The following EPC1 variants were observed in gnomAD, a reference collection of about 807,000 sequenced individuals.
EPC1 encodes the protein enhancer of polycomb 1.
Under a neutral mutation model 98.4 loss-of-function variants are expected in EPC1, and 12 were observed. The observed-to-expected ratio is 0.12, with a 90% CI of 0.08 to 0.20. The LOEUF is 0.20. Ranked by LOEUF, EPC1 falls within the 10% of genes least tolerant of loss-of-function variation. EPC1 has a pLI of 1.00. For missense variants in EPC1, 729 were observed against 990.5 expected, an observed-to-expected ratio of 0.74 and a Z score of 3.54; for synonymous variants, 357 against 363.9, an observed-to-expected ratio of 0.98 and a Z score of 0.21.
intron 11 of EPC1, 165 bp from the exon 12 acceptor site, chr10:32,272,332 T>G: frequency 1.8e-6 from 1 of 571,378 alleles, no homozygotes; most frequent in South Asian, 2.9e-5. Context: ...TATATCTCTT[T>G]TGATAGTCAT....
At chr10:32,368,778 T>G (rs1168541301) in intron 1 of EPC1, among the ~76,000 whole-genome samples, 1 of 152,236 alleles carries the variant, frequency 6.6e-6, no homozygotes, top group African/African-American at 2.4e-5. Context: ...TTTTGATCTC[T>G]GAAATCAGGT....
intron 2 of EPC1, among the ~76,000 whole-genome samples, chr10:32,303,812 C>T (rs1835717684): frequency 6.6e-6 from 1 of 152,272 alleles, no homozygotes; most frequent in East Asian, 1.9e-4. Context: ...GTGAAATCTG[C>T]GTAAACTCTA....
intron 1 of EPC1, among the ~76,000 whole-genome samples, chr10:32,358,888 G>A (rs1839361537): frequency 6.6e-6 from 1 of 152,112 alleles, no homozygotes; most frequent in South Asian, 2.1e-4. Context: ...TGAAATGAGA[G>A]TTATGTAAAG....
chr10:32,293,845 GA>G, intron 2 of EPC1, 108 bp from the exon 3 acceptor site: 2 of 1,078,040 alleles, frequency 1.9e-6, no homozygotes, highest in Non-Finnish European at 2.6e-6. Flanking sequence ...AAATAAGAAA[GA>G]ATTCTTGGAT....
At chr10:32,322,210 T>C (rs1836969976) in intron 1 of EPC1, among the ~76,000 whole-genome samples, 1 of 151,674 alleles carries the variant, frequency 6.6e-6, no homozygotes, top group South Asian at 2.1e-4. Flanking sequence ...GTCTGTTTTA[T>C]CTTGCTTAAT....
chr10:32,321,454 G>A (rs1836910690), intron 1 of EPC1, among the ~76,000 whole-genome samples: 1 of 151,952 alleles, frequency 6.6e-6, no homozygotes, highest in African/African-American at 2.4e-5. Context: ...TCCTGGACAA[G>A]TGATCCTCCT....
chr10:32,364,794 C>T (rs1304268845), intron 1 of EPC1, among the ~76,000 whole-genome samples: 1 of 152,190 alleles, frequency 6.6e-6, no homozygotes, highest in Non-Finnish European at 1.5e-5. Flanking sequence ...GCTCGTCCAA[C>T]CTGCAACCTT....
At chr10:32,378,558 T>C in exon 1 of EPC1, 4 of 1,321,124 alleles carry the variant, frequency 3.0e-6, no homozygotes, top group South Asian at 1.4e-5. Context: ...TGGATACTTG[T>C]GTCCCTAGAA....
chr10:32,292,558 T>A lies in EPC1; in HGVS notation c.753A>T (p.Ile251=). ...LSRAVTILEM[I]KRREKSKREL... is the part of the protein sequence containing the mutation. ...CTCTTTTACTTTTTTCTCTTCTTTT[T>A]ATCATCTCTAGAATAGTAACAGCTC... is the stretch of plus-strand genomic sequence containing the variant. Residue 251 remains isoleucine, a synonymous_variant, in exon 5 of 14, where the codon ATA becomes ATT. Coordinates refer to ENST00000319778, the MANE Select transcript of EPC1 (RefSeq NM_001272004.3). 1 of 1,607,432 alleles carries A rather than the reference T, an allele frequency of 6.2e-7. No individual in the cohort carries two copies. The highest frequency in any genetic ancestry group is 8.5e-7 in the Non-Finnish European group (1 of 1,177,978).
chr10:32,290,505 A>AAAAGAAAG (rs1564527672), intron 6 of EPC1, among the ~76,000 whole-genome samples: 2,204 of 76,962 alleles, frequency 0.029, 209 homozygotes, highest in African/African-American at 0.12. Context: ...AAAAAAAAAA[A>AAAAGAAAG]AAAGAAAGAA....
At chr10:32,316,070 AAGAATC>A (rs1444145133) in intron 1 of EPC1, among the ~76,000 whole-genome samples, 2 of 152,186 alleles carry the variant, frequency 1.3e-5, no homozygotes, top group Non-Finnish European at 2.9e-5. Context: ...TCAATCTTGT[AAGAATC>A]AGCCTGCTCC....
intron 1 of EPC1, among the ~76,000 whole-genome samples, chr10:32,335,607 A>C (rs550491329): frequency 6.6e-6 from 1 of 152,142 alleles, no homozygotes; most frequent in African/African-American, 2.4e-5. Flanking sequence ...AAACACAACC[A>C]CTCAGAAGTT....
chr10:32,336,071 T>TC (rs57827245), intron 1 of EPC1, among the ~76,000 whole-genome samples: 102,398 of 145,526 alleles, frequency 0.7, 40,682 homozygotes, highest in East Asian at 0.95. Context: ...CCTTTTCTTT[T>TC]TTTTTTTTTT....
chr10:32,283,869 T>TA (rs984925586), intron 10 of EPC1: 4 of 152,194 alleles, frequency 2.6e-5, no homozygotes, highest in African/African-American at 7.2e-5. Flanking sequence ...TACTTTTTTT[T>TA]AACCACCAAG....
At chr10:32,370,275 G>A (rs946567899) in intron 1 of EPC1, among the ~76,000 whole-genome samples, 2 of 152,076 alleles carry the variant, frequency 1.3e-5, no homozygotes, top group African/African-American at 4.8e-5. Context: ...TGTAGGTCTG[G>A]GCCTCCCTCA....
chr10:32,378,068 T>C (rs569569891), intron 1 of EPC1, among the ~76,000 whole-genome samples: 18 of 152,202 alleles, frequency 1.2e-4, no homozygotes, highest in African/African-American at 4.3e-4. Context: ...ATCCAAGTAA[T>C]CTATCAAGAG....
chr10:32,287,156 T>A lies in EPC1; in HGVS notation c.1094A>T (p.Asn365Ile), dbSNP rs149122944. ...QTSPAALPVF[N>I]AKDLNQYDFP... is the part of the protein sequence containing the mutation. ...GTCATACTGATTCAGATCTTTAGCA[T>A]TGAAGACTGGCAGTGCAGCAGGACT... Residue 365 changes from asparagine to isoleucine, a missense_variant, in exon 7 of 14, where the codon AAT becomes ATT. Physicochemically the swap from Asn to Ile is moderately radical, Grantham distance 149 (BLOSUM62 -3). Coordinates refer to ENST00000319778, the MANE Select transcript of EPC1 (RefSeq NM_001272004.3). 2 of 1,614,172 alleles carry A rather than the reference T, an allele frequency of 1.2e-6. No individual in the cohort carries two copies. Among genetic ancestry groups the A allele is most frequent in the Admixed American group, 1.7e-5 (1 of 60,016 alleles).
At chr10:32,345,128 T>C (rs1296611334) in intron 1 of EPC1, 2 of 974,760 alleles carry the variant, frequency 2.1e-6, no homozygotes, top group African/African-American at 1.8e-5. Context: ...CACAAGTACT[T>C]TAATTTTTAA....
Position 32,273,176 on chromosome 10 carries a change from G to A in EPC1, c.1850C>T (p.Thr617Ile), listed in dbSNP as rs769225263. The A allele has an allele frequency of 6.2e-7, 1 of 1,614,154 alleles. No homozygotes were observed. Among genetic ancestry groups the A allele is most frequent in the South Asian group, 1.1e-5 (1 of 91,084 alleles). Residue 617 changes from threonine (T) to isoleucine (I), a missense_variant, in exon 11 of 14, where the codon ACC (threonine) becomes ATC (isoleucine). By Grantham distance (89) the Thr-to-Ile change is moderately conservative. This residue lies in a region of EPC1 where 390 missense variants were observed against 438.6 expected (regional missense o/e 0.89). Coordinates refer to ENST00000319778, the MANE Select transcript of EPC1 (RefSeq NM_001272004.3). ...CAAATCCCTCACCTGTGATGTGTTG[G>A]TGGAGGAATTACTATTTGCTTGCTG... is the stretch of plus-strand genomic sequence containing the variant. Reference protein sequence around the residue: ...QQQQANSNSSTNTSQGFVSKT... With the variant: ...QQQQANSNSSINTSQGFVSKT...
Sources: gnomAD v4.1 joint callset for allele counts (sites outside exome capture counted in the v4.1 genomes callset) on GRCh38, gnomAD v4.1.1 for gene constraint, gnomAD v4.1.1 regional missense constraint, MANE v1.5 for transcripts, NCBI Gene and HGNC (gene_info 2026-07-23, HGNC 2026-07-21) for gene names.